Variants in RPTOR observed in about 807,000 individuals in gnomAD.
RPTOR encodes regulatory-associated protein of mTOR.
RPTOR carries 21 observed loss-of-function variants against 169.9 expected under a neutral mutation model. That is an observed-to-expected ratio of 0.12 (90% CI 0.09 to 0.18). The LOEUF is 0.18. Among genes scored for constraint, RPTOR ranks in the 10% least tolerant of loss-of-function variants. The probability of loss-of-function intolerance (pLI) is 1.00; values close to 1 mark genes in which losing one functional copy is unlikely to be tolerated. For missense variants in RPTOR, 1,133 were observed against 1,855.9 expected, an observed-to-expected ratio of 0.61 and a Z score of 7.16; for synonymous variants, 732 against 753.2, an observed-to-expected ratio of 0.97 and a Z score of 0.46.
At position 80,891,812 on chromosome 17, in the gene RPTOR, C is replaced by T. The variant is rs767218165; in HGVS notation, c.2076C>T (p.Tyr692=). The change falls in exon 18 of 34, where the codon TAC becomes TAT. Residue 692 remains tyrosine, a synonymous_variant. Coordinates refer to ENST00000306801, the MANE Select transcript of RPTOR (RefSeq NM_020761.3). ...ALQFIEEEKN[Y]ALPSPATTEG... ...AGTTCATAGAAGAGGAAAAGAACTA[C>T]GCCTTGCCTTCTCCAGCAACCACAG... 15 of 1,613,644 alleles carry T rather than the reference C, an allele frequency of 9.3e-6. No homozygotes were observed. The highest frequency in any genetic ancestry group is 1.3e-5 in the African/African-American group (1 of 75,028).
At chr17:80,569,602 G>T (rs2064881846) in intron 1 of RPTOR, among the ~76,000 whole-genome samples, 1 of 152,152 alleles carries the variant, frequency 6.6e-6, no homozygotes, top group Non-Finnish European at 1.5e-5. Flanking sequence ...ATGGCCCCTT[G>T]CTTGTTTTTA....
At chr17:80,665,517 TCCTTTC>T (rs200325500) in intron 3 of RPTOR, among the ~76,000 whole-genome samples, 1,262 of 88,356 alleles carry the variant, frequency 0.014, 449 homozygotes, top group African/African-American at 0.081. Context: ...TCCTTTCCTT[TCCTTTC>T]CATGTCCTTT....
intron 6 of RPTOR, among the ~76,000 whole-genome samples, chr17:80,764,168 T>G (rs1423583283): frequency 4.1e-5 from 4 of 96,866 alleles, no homozygotes; most frequent in African/African-American, 1.8e-4. Context: ...TTATTTTATT[T>G]TATTTTATTA....
chr17:80,891,717 C>T lies in RPTOR; in HGVS notation c.1984-3C>T. The T allele has an allele frequency of 6.2e-7, 1 of 1,601,572 alleles. No individual in the cohort carries two copies. The highest frequency in any genetic ancestry group is 1.7e-5 in the Admixed American group (1 of 59,780). ...TGTTATTGTCCCTTCTCCCTCTCGG[C>T]AGGAGCTGGTGGTGGCTCTGAGTCA... is the stretch of plus-strand genomic sequence containing the variant. On this transcript the variant is annotated splice_polypyrimidine_tract_variant and splice_region_variant and intron_variant, in intron 17 of 33. Coordinates refer to ENST00000306801, the MANE Select transcript of RPTOR (RefSeq NM_020761.3).
intron 2 of RPTOR, among the ~76,000 whole-genome samples, chr17:80,629,648 C>T (rs1156761016): frequency 7.9e-5 from 11 of 139,718 alleles, no homozygotes; most frequent in South Asian, 2.4e-4. Context: ...GCAGCTCTTC[C>T]GTGTGTCTCT....
chr17:80,731,933 A>G (rs757206404), intron 5 of RPTOR, among the ~76,000 whole-genome samples: 8 of 152,198 alleles, frequency 5.3e-5, no homozygotes, highest in African/African-American at 7.2e-5. Flanking sequence ...AGAGTGACTG[A>G]TAAGTATAAT....
At chr17:80,890,923 C>T (rs552916853) in intron 17 of RPTOR, among the ~76,000 whole-genome samples, 10 of 152,094 alleles carry the variant, frequency 6.6e-5, no homozygotes, top group East Asian at 1.9e-4. Context: ...GGGCGTCACG[C>T]GACTAGCAAG....
At chr17:80,691,631 T>C (rs151058206) in intron 3 of RPTOR, among the ~76,000 whole-genome samples, 34 of 152,322 alleles carry the variant, frequency 2.2e-4, no homozygotes, top group African/African-American at 7.9e-4. Context: ...CATTTTGATA[T>C]GGTATGACAA....
At chr17:80,724,591 A>G (rs987058834) in intron 4 of RPTOR, among the ~76,000 whole-genome samples, 3 of 152,146 alleles carry the variant, frequency 2.0e-5, no homozygotes, top group Non-Finnish European at 2.9e-5. Flanking sequence ...CCATCGCAAC[A>G]GCGGCGAGGC....
Position 80,688,353 on chromosome 17 carries a change from A to G in RPTOR, c.349-19488A>G, listed in dbSNP as rs558661348. ...ACTTTGCTAAAGTCACAAAACTGGT[A>G]TAAGCATGGGCTTTGTGTGTGTCCA... On this transcript the variant is annotated intron_variant, in intron 3 of 33. Transcript: ENST00000306801. Among the ~76,000 whole-genome samples, 8 of 152,378 alleles carry G rather than the reference A, an allele frequency of 5.3e-5. No individual in the cohort carries two copies. The South Asian group carries it at 1.4e-3, about 28-fold the overall frequency.
chr17:80,760,300 C>CTTTTTTTTTTTTTTTT (rs1479994551), intron 6 of RPTOR, among the ~76,000 whole-genome samples: 1 of 96,500 alleles, frequency 1.0e-5, no homozygotes, highest in African/African-American at 3.9e-5. Flanking sequence ...TTTCTTTTTT[C>CTTTTTTTTTTTTTTTT]TTTTTTCTTT....
At chr17:80,649,610 A>T (rs573576321) in intron 3 of RPTOR, among the ~76,000 whole-genome samples, 1 of 152,100 alleles carries the variant, frequency 6.6e-6, no homozygotes, top group Admixed American at 6.5e-5. Flanking sequence ...GTACTCATTA[A>T]ATTTGCAGGA....
At chr17:80,769,933 C>G (rs900068357) in intron 6 of RPTOR, among the ~76,000 whole-genome samples, 1 of 152,094 alleles carries the variant, frequency 6.6e-6, no homozygotes, top group Admixed American at 6.5e-5. Context: ...CAGGGCTGGC[C>G]TGGCCTGCAG....
rs1253572442 is a variant in RPTOR, at chr17:80,947,656, C to T, written c.3265+305C>T. ...CTGTCCTTAAACCCCTGTGAGAGAC[C>T]CGGTGGGTCCCACGTGACACCCGAG... is the stretch of plus-strand genomic sequence containing the variant. On this transcript the variant is annotated intron_variant, in intron 27 of 33. Coordinates refer to ENST00000306801, the MANE Select transcript of RPTOR (RefSeq NM_020761.3). The surrounding 1 kb of genome is among the most constrained non-coding windows in gnomAD (Gnocchi z 4.4). Among the ~76,000 whole-genome samples, 1 of 152,164 alleles carries T rather than the reference C, an allele frequency of 6.6e-6. No homozygotes were observed. The highest frequency in any genetic ancestry group is 1.9e-4 in the East Asian group (1 of 5,184).
chr17:80,634,302 T>TGC (rs1421857206), intron 2 of RPTOR, among the ~76,000 whole-genome samples: 1 of 146,428 alleles, frequency 6.8e-6, no homozygotes, highest in Non-Finnish European at 1.5e-5. Flanking sequence ...ACTGTGTGTG[T>TGC]GCGTACTGTG....
At chr17:80,906,628 C>T (rs1182370677) in intron 20 of RPTOR, among the ~76,000 whole-genome samples, 1 of 152,234 alleles carries the variant, frequency 6.6e-6, no homozygotes, top group Non-Finnish European at 1.5e-5. Context: ...AGAATGCTTC[C>T]TTTGGTTGAA....
intron 21 of RPTOR, among the ~76,000 whole-genome samples, chr17:80,910,980 G>A (rs895157471): frequency 1.3e-5 from 2 of 152,070 alleles, no homozygotes; most frequent in African/African-American, 4.8e-5. Context: ...ACAGGCGTGA[G>A]CCACCACACC....
rs1040927481 is a variant in RPTOR at position 80,623,227 on chromosome 17, T to A, written c.163-2464T>A. Among the ~76,000 whole-genome samples, 4 of 152,192 alleles carry A rather than the reference T, an allele frequency of 2.6e-5. 1 individual carries two copies. In the East Asian group the frequency reaches 7.7e-4, roughly 29 times the overall value. On this transcript the variant is annotated intron_variant, in intron 1 of 33. Transcript: ENST00000306801. ...AGGAGGAATGATCTATTGGAAAGAA[T>A]GAGACAGACTTATTATTCTTAGATA...
At chr17:80,727,617 G>A (rs908413754) in intron 4 of RPTOR, among the ~76,000 whole-genome samples, 5 of 152,124 alleles carry the variant, frequency 3.3e-5, no homozygotes, top group South Asian at 4.1e-4. Flanking sequence ...TGACCATGTC[G>A]CGCTGGCCAG....
Sources: gnomAD v4.1 joint callset for allele counts (sites outside exome capture counted in the v4.1 genomes callset) on GRCh38, gnomAD v4.1.1 for gene constraint, Gnocchi (gnomAD v3.1) non-coding constraint, MANE v1.5 for transcripts, NCBI Gene and HGNC (gene_info 2026-07-23, HGNC 2026-07-21) for gene names.